EIF5: variants seen among roughly 807,000 people sequenced by gnomAD.
The protein encoded by EIF5 is eukaryotic translation initiation factor 5.
In EIF5, 10 loss-of-function variants were observed where a neutral mutation model predicts 48.3. The observed-to-expected ratio is 0.21, with a 90% CI of 0.13 to 0.35. The LOEUF is 0.35. EIF5 is among the 10% of genes least tolerant of loss of function. The pLI, the probability that EIF5 is intolerant of heterozygous loss-of-function variation, is 1.00. For synonymous variants in EIF5, 237 were observed against 173.1 expected, an observed-to-expected ratio of 1.37 and a Z score of -2.90; for missense variants, 397 against 533.2, an observed-to-expected ratio of 0.74 and a Z score of 2.51.
At chr14:103,334,707 C>T (rs1270523515) in intron 2 of EIF5, 110 bp downstream of exon 2, 1 of 143,178 alleles carries the variant, frequency 7.0e-6, no homozygotes, top group African/African-American at 2.5e-5. Flanking sequence ...GGCGGGCGGG[C>T]GCGGGCCCGG....
In EIF5 at chr14:103,338,337, C is replaced by A; in HGVS notation, c.450C>A (p.Asp150Glu). Residue 150 changes from aspartate to glutamate, a missense_variant, in exon 7 of 12, where the codon GAC (aspartate) becomes GAA (glutamate). Asp to Glu is a conservative substitution (Grantham distance 45). Coordinates refer to ENST00000216554, the MANE Select transcript of EIF5 (RefSeq NM_001969.5). ...FILKNPPENSDSGTGKKEKEK... is the reference protein window; with the variant it reads ...FILKNPPENSESGTGKKEKEK... Reference sequence around the variant, plus strand: ...CCTTTTTTTCTGTAGAGAATAGTGACAGTGGTACAGGAAAGAAAGAAAAAG... The same window carrying A: ...CCTTTTTTTCTGTAGAGAATAGTGAAAGTGGTACAGGAAAGAAAGAAAAAG... 6.2e-7 allele frequency: 1 copy of A among 1,613,432 alleles called. No individual in the cohort carries two copies. Among genetic ancestry groups the A allele is most frequent in the Non-Finnish European group, 8.5e-7 (1 of 1,179,798 alleles).
intron 6 of EIF5, chr14:103,338,086 C>T (rs574069166): frequency 3.2e-6 from 2 of 633,350 alleles, no homozygotes; most frequent in East Asian, 2.9e-5. Context: ...TCATCTTACT[C>T]TTTCTTAGCA....
In EIF5 at chr14:103,343,085, A is replaced by G. The variant is rs1016612432; in HGVS notation, c.*2033A>G. The G allele has an allele frequency of 6.6e-6, 1 of 152,654 alleles. No individual in the cohort carries two copies. Among genetic ancestry groups the G allele is most frequent in the Non-Finnish European group, 1.5e-5 (1 of 68,038 alleles). 9.5% of individuals were successfully genotyped at this position (152,654 alleles called of 1,614,324 possible). A position where few individuals can be genotyped will look rare whatever the true frequency, so the allele number is the denominator to read the frequency against. ...CTTTGTTCACAGGTTATCCTAATAG[A>G]GTAATTCTTCACTTTGCTCTATTGA... On this transcript the variant is annotated 3_prime_UTR_variant, in exon 12 of 12. Transcript: ENST00000216554.
At position 103,340,998 on chromosome 14, in the gene EIF5, T is replaced by C; in HGVS notation, c.1242T>C (p.Val414=). The change falls in exon 12 of 12, where the codon GTT becomes GTC. Residue 414 remains valine (V), a synonymous_variant. Transcript: ENST00000216554. ...CGAAGGCTGCCAGTGTACCGAAAGTTGAGACTGTAAAGTCAGACAACAAGG... is the reference window on the plus strand; with the variant it reads ...CGAAGGCTGCCAGTGTACCGAAAGTCGAGACTGTAAAGTCAGACAACAAGG... ...VYSKAASVPK[V]ETVKSDNKDD... is the part of the protein sequence containing the mutation. 2 of 1,614,172 alleles carry C rather than the reference T, an allele frequency of 1.2e-6. No homozygotes were observed. The highest frequency in any genetic ancestry group is 1.7e-6 in the Non-Finnish European group (2 of 1,179,998).
rs1424203922 is a variant in EIF5, at chr14:103,335,926, T to C, written c.66T>C (p.Ile22=). 2.2e-5 allele frequency: 35 copies of C among 1,614,088 alleles called. No individual in the cohort carries two copies. Among genetic ancestry groups the C allele is most frequent in the Non-Finnish European group, 2.6e-5 (31 of 1,180,042 alleles). Residue 22 remains isoleucine (I), a synonymous_variant, in exon 3 of 12, where the codon ATT becomes ATC. Transcript: ENST00000216554. ...QFYRYKMPRL[I]AKVEGKGNGI... ...ATCGCTACAAGATGCCCCGTCTGAT[T>C]GCCAAGGTAATAAACTGCTCTTCAA... is the stretch of plus-strand genomic sequence containing the variant.
chr14:103,338,982 TTACTC>T, intron 8 of EIF5, 89 bp downstream of exon 8: 1 of 1,525,328 alleles, frequency 6.6e-7, no homozygotes, highest in East Asian at 2.3e-5. Flanking sequence ...GTAATTAGGA[TTACTC>T]TAATGCACGA....
intron 11 of EIF5, 28 bp downstream of exon 11, chr14:103,340,589 A>G (rs1034775714): frequency 3.7e-6 from 6 of 1,600,710 alleles, no homozygotes; most frequent in Non-Finnish European, 4.3e-6. Flanking sequence ...AGGGTATTGG[A>G]TACAGTGCTG....
intron 4 of EIF5, 145 bp from the exon 5 acceptor site, chr14:103,336,532 G>C: frequency 1.2e-6 from 1 of 852,822 alleles, no homozygotes; most frequent in Non-Finnish European, 1.7e-6. Flanking sequence ...AGTGAGCTGA[G>C]ACCACGCCGT....
Position 103,342,722 on chromosome 14 carries a change from C to G in EIF5, c.*1670C>G, listed in dbSNP as rs567711978. 1 of 152,616 alleles carries G rather than the reference C, an allele frequency of 6.6e-6. No individual in the cohort carries two copies. The highest frequency in any genetic ancestry group is 1.9e-4 in the East Asian group (1 of 5,204). The allele number at this position is 152,616 out of a possible 1,614,324, so 9.5% of individuals were successfully genotyped here. On this transcript the variant is annotated 3_prime_UTR_variant, in exon 12 of 12. Transcript: ENST00000216554. ...GCTGCCTTTGATCAAGATTCGGGTG[C>G]AAGTGGAGCAGGAGCCATATACCTG...
chr14:103,337,752 T>C (rs1377028683), intron 6 of EIF5: 3 of 436,548 alleles, frequency 6.9e-6, no homozygotes. Flanking sequence ...TGAGGGTAGA[T>C]GAAGTAATGA....
At chr14:103,338,596 A>G (rs758326060) in intron 7 of EIF5, 124 bp downstream of exon 7, 122 of 1,496,364 alleles carry the variant, frequency 8.2e-5, no homozygotes, top group Non-Finnish European at 1.0e-4. Flanking sequence ...TGTGGATTCC[A>G]AGTACTGTTT....
chr14:103,336,925 A>G, intron 5 of EIF5, 76 bp downstream of exon 5: 1 of 1,489,690 alleles, frequency 6.7e-7, no homozygotes. Context: ...CCTTCCTGAG[A>G]AGGCAGAGCA....
intron 6 of EIF5, 150 bp downstream of exon 6, chr14:103,337,377 G>A: frequency 1.6e-6 from 1 of 640,354 alleles, no homozygotes; most frequent in Non-Finnish European, 2.6e-6. Context: ...GGCCAGGGCG[G>A]GCACATCACT....
At position 103,338,980 on chromosome 14, in the gene EIF5, G is replaced by T; in HGVS notation, c.744+87G>T. On this transcript the variant is annotated intron_variant, in intron 8 of 11. Transcript: ENST00000216554. ...TATGATACTTTAGCAGTGTAATTAG[G>T]ATTACTCTAATGCACGACTTTTTAG... 8 of 1,526,912 alleles carry T rather than the reference G, an allele frequency of 5.2e-6. No individual in the cohort carries two copies. In the South Asian group the frequency reaches 9.1e-5, roughly 17 times the overall value. The allele number at this position is 1,526,912 out of a possible 1,614,324, so 94.6% of individuals were successfully genotyped here. A position where few individuals can be genotyped will look rare whatever the true frequency, so the allele number is the denominator to read the frequency against.
Position 103,343,889 on chromosome 14 carries a change from A to G in EIF5, c.*2837A>G, listed in dbSNP as rs1432025017. On this transcript the variant is annotated 3_prime_UTR_variant, in exon 12 of 12. Coordinates refer to ENST00000216554, the MANE Select transcript of EIF5 (RefSeq NM_001969.5). ...TCCTTATCTAACCAGCTATTTTCTT[A>G]ATTGCTACAGCTTGACCTACCAGTA... The G allele has an allele frequency of 2.6e-5, 4 of 152,180 alleles. No individual in the cohort carries two copies. Among genetic ancestry groups the G allele is most frequent in the African/African-American group, 4.8e-5 (2 of 41,442 alleles). The allele number at this position is 152,180 out of a possible 1,614,324, so 9.4% of individuals were successfully genotyped here. A position where few individuals can be genotyped will look rare whatever the true frequency, so the allele number is the denominator to read the frequency against.
Position 103,339,740 on chromosome 14 carries a change from C to A in EIF5, c.1008C>A (p.Ile336=), listed in dbSNP as rs750948249. The A allele has an allele frequency of 2.7e-5, 43 of 1,614,198 alleles. No individual in the cohort carries two copies. The highest frequency in any genetic ancestry group is 3.6e-5 in the Non-Finnish European group (43 of 1,180,038). ...QAQLISKIPH[I]LKEMYDADLL... is the part of the protein sequence containing the mutation. ...AGCTTATCTCCAAGATTCCACATAT[C>A]TTGAAGGAGATGTACGATGCAGACC... The change falls in exon 10 of 12, where the codon ATC becomes ATA. Residue 336 remains isoleucine (I), a synonymous_variant. Transcript: ENST00000216554.
At chr14:103,338,125 C>G (rs573534091) in intron 6 of EIF5, 1 of 763,540 alleles carries the variant, frequency 1.3e-6, no homozygotes, top group Admixed American at 2.3e-5. Context: ...TTTTGTGTCA[C>G]TCCATTCTTA....
In EIF5 at chr14:103,335,859, A is replaced by G; in HGVS notation, c.-2A>G. The G allele has an allele frequency of 6.2e-7, 1 of 1,614,192 alleles. No homozygotes were observed. The highest frequency in any genetic ancestry group is 8.5e-7 in the Non-Finnish European group (1 of 1,180,020). ...TATTGATAAAGCCACTAATAAGCCA[A>G]AATGTCTGTCAATGTCAACCGCAGC... On this transcript the variant is annotated 5_prime_UTR_variant, in exon 3 of 12. Coordinates refer to ENST00000216554, the MANE Select transcript of EIF5 (RefSeq NM_001969.5).
In EIF5 at chr14:103,339,629, C is replaced by A. The variant is rs370607296; in HGVS notation, c.907-10C>A. On this transcript the variant is annotated splice_polypyrimidine_tract_variant and intron_variant, in intron 9 of 11. Coordinates refer to ENST00000216554, the MANE Select transcript of EIF5 (RefSeq NM_001969.5). ...AAAAAGATTGTTAACACCAAGGTGTCTATTTGCAGTTTTGTCACAACAACA... is the reference window on the plus strand; with the variant it reads ...AAAAAGATTGTTAACACCAAGGTGTATATTTGCAGTTTTGTCACAACAACA... 6.2e-7 allele frequency: 1 copy of A among 1,614,058 alleles called. No homozygotes were observed. Among genetic ancestry groups the A allele is most frequent in the East Asian group, 2.2e-5 (1 of 44,890 alleles).
Sources: allele counts gnomAD v4.1 joint callset, GRCh38; gene constraint gnomAD v4.1.1; transcripts MANE v1.5; gene names NCBI Gene and HGNC (gene_info 2026-07-23, HGNC 2026-07-21).